CHCHD6: variants seen among roughly 807,000 people sequenced by gnomAD.
The protein encoded by CHCHD6 is coiled-coil-helix-coiled-coil-helix domain containing 6, also known as MICOS complex subunit MIC25.
CHCHD6 carries 28 observed loss-of-function variants against 32.3 expected under a neutral mutation model. The observed-to-expected ratio is 0.87, with a 90% CI of 0.64 to 1.19. The LOEUF (loss-of-function observed/expected upper bound fraction) is 1.19, where lower values mean the gene tolerates loss of function less well. Among genes scored for constraint, CHCHD6 ranks in the 50% most tolerant of loss-of-function variants. The pLI is 0.00. For synonymous variants in CHCHD6, 122 were observed against 117.5 expected (o/e 1.04, Z -0.25); for missense variants, 333 against 307.0 (o/e 1.08, Z -0.63).
chr3:126,946,507 C>G (rs1260383474), intron 6 of CHCHD6, among the ~76,000 whole-genome samples: 2 of 152,192 alleles, frequency 1.3e-5, no homozygotes, highest in Non-Finnish European at 2.9e-5. Flanking sequence ...CCCCCAGGCT[C>G]TCTCGCAAGC....
chr3:126,956,295 A>T (rs1278585358), intron 6 of CHCHD6, among the ~76,000 whole-genome samples: 2 of 152,208 alleles, frequency 1.3e-5, no homozygotes, highest in African/African-American at 4.8e-5. Context: ...AAGGCTGTTA[A>T]GTGTTACAGT....
intron 3 of CHCHD6, 137 bp downstream of exon 3, chr3:126,730,767 C>A (rs963683711): frequency 4.5e-6 from 3 of 659,400 alleles, no homozygotes; most frequent in Non-Finnish European, 5.2e-6. Flanking sequence ...TGAAGGACAA[C>A]CCTATGGTAT....
chr3:126,764,611 A>G (rs1937289612), intron 4 of CHCHD6, among the ~76,000 whole-genome samples: 1 of 152,186 alleles, frequency 6.6e-6, no homozygotes, highest in African/African-American at 2.4e-5. Context: ...GGAAGATCTA[A>G]GTGCAGCTCC....
At chr3:126,821,024 A>G (rs1940125156) in intron 4 of CHCHD6, among the ~76,000 whole-genome samples, 1 of 152,102 alleles carries the variant, frequency 6.6e-6, no homozygotes, top group East Asian at 1.9e-4. Flanking sequence ...TATTTTCTGT[A>G]TCTGTGGATT....
At chr3:126,833,625 C>T (rs1283682358) in intron 4 of CHCHD6, among the ~76,000 whole-genome samples, 6 of 152,100 alleles carry the variant, frequency 3.9e-5, no homozygotes, top group African/African-American at 1.2e-4. Context: ...GAGTTCAGGG[C>T]CCTTGTCTAG....
intron 4 of CHCHD6, among the ~76,000 whole-genome samples, chr3:126,817,750 TCCTG>T (rs1392595890): frequency 2.0e-5 from 3 of 152,226 alleles, no homozygotes; most frequent in African/African-American, 7.2e-5. Context: ...CTTCATGACT[TCCTG>T]CCTCAGCCTG....
chr3:126,732,997 TG>T lies in CHCHD6; in HGVS notation c.267-80del. ...TTCAGCATTTCCCTGGTGGCTGAAGTGAGTGCGCAGATCTTGTCTTGGCTAT... is the reference window on the plus strand; with the variant it reads ...TTCAGCATTTCCCTGGTGGCTGAAGTAGTGCGCAGATCTTGTCTTGGCTAT... On this transcript the variant is annotated intron_variant, in intron 3 of 7. Coordinates refer to ENST00000290913, the MANE Select transcript of CHCHD6 (RefSeq NM_032343.3). 2.0e-6 allele frequency: 3 copies of T among 1,486,624 alleles called. No individual in the cohort carries two copies. In the South Asian group the frequency reaches 3.6e-5, roughly 18 times the overall value. The allele number at this position is 1,486,624 out of a possible 1,614,324, so 92.1% of individuals were successfully genotyped here.
intron 6 of CHCHD6, among the ~76,000 whole-genome samples, chr3:126,944,672 G>A (rs1017465402): frequency 2.0e-5 from 3 of 152,200 alleles, no homozygotes; most frequent in South Asian, 2.1e-4. Flanking sequence ...GTCCACATAG[G>A]ACTACACAGA....
At chr3:126,750,898 G>T (rs1936694789) in intron 4 of CHCHD6, among the ~76,000 whole-genome samples, 1 of 152,230 alleles carries the variant, frequency 6.6e-6, no homozygotes, top group Non-Finnish European at 1.5e-5. Context: ...TCATGGCTAT[G>T]GGCCCTGCCT....
At chr3:126,778,843 C>T (rs1028271363) in intron 4 of CHCHD6, among the ~76,000 whole-genome samples, 1 of 152,072 alleles carries the variant, frequency 6.6e-6, no homozygotes, top group African/African-American at 2.4e-5. Context: ...CAGCCTTGAA[C>T]TCCTGGGCTC....
At position 126,953,075 on chromosome 3, in the gene CHCHD6, C is replaced by T. The variant is rs979447401; in HGVS notation, c.567-4341C>T. ...TCTGACCGGGCCGTCTTGGGCATCA[C>T]CTGCCATTCTCCTGCCATCCTCTCA... On this transcript the variant is annotated intron_variant, in intron 6 of 7. Coordinates refer to ENST00000290913, the MANE Select transcript of CHCHD6 (RefSeq NM_032343.3). 5.1e-6 allele frequency: 5 copies of T among 985,446 alleles called. No homozygotes were observed. In the African/African-American group the frequency reaches 5.2e-5, roughly 10 times the overall value. The allele number at this position is 985,446 out of a possible 1,614,324, so 61.0% of individuals were successfully genotyped here. A position where few individuals can be genotyped will look rare whatever the true frequency, so the allele number is the denominator to read the frequency against.
chr3:126,934,770 C>T (rs1044121411), intron 6 of CHCHD6, among the ~76,000 whole-genome samples: 3 of 151,916 alleles, frequency 2.0e-5, no homozygotes, highest in Non-Finnish European at 4.4e-5. Context: ...AGGATGGTCT[C>T]GATCTCCTGA....
intron 5 of CHCHD6, among the ~76,000 whole-genome samples, chr3:126,894,866 A>T (rs940472767): frequency 6.6e-6 from 1 of 152,220 alleles, no homozygotes; most frequent in African/African-American, 2.4e-5. Flanking sequence ...GGTGCTTTCC[A>T]TTTACCACTT....
At position 126,720,123 on chromosome 3, in the gene CHCHD6, C is replaced by A. The variant is rs1277808886; in HGVS notation, c.88-6955C>A. 2.0e-5 allele frequency among the ~76,000 whole-genome samples: 3 copies of A among 152,290 alleles called. No individual in the cohort carries two copies. In the South Asian group the frequency reaches 6.2e-4, roughly 32 times the overall value. ...TCTTGAACTCCTGACCTCAGGTGAT[C>A]CACCTGCCTCGGCCTCCCAAAGAGC... is the stretch of plus-strand genomic sequence containing the variant. On this transcript the variant is annotated intron_variant, in intron 1 of 7. Coordinates refer to ENST00000290913, the MANE Select transcript of CHCHD6 (RefSeq NM_032343.3).
At chr3:126,729,661 G>A (rs1286869254) in intron 2 of CHCHD6, among the ~76,000 whole-genome samples, 2 of 152,146 alleles carry the variant, frequency 1.3e-5, no homozygotes, top group Non-Finnish European at 2.9e-5. Context: ...ATGAGAGGTG[G>A]TTTGAAAGTG....
intron 4 of CHCHD6, among the ~76,000 whole-genome samples, chr3:126,768,251 G>A (rs1937455305): frequency 6.6e-6 from 1 of 152,140 alleles, no homozygotes. Flanking sequence ...ATTTAAAAGT[G>A]TGTAGCACCT....
intron 4 of CHCHD6, among the ~76,000 whole-genome samples, chr3:126,778,687 C>T (rs772978960): frequency 2.6e-5 from 4 of 152,120 alleles, no homozygotes; most frequent in Non-Finnish European, 5.9e-5. Flanking sequence ...TAATGATTTA[C>T]AAAAATTTTC....
At chr3:126,790,644 T>C (rs1364359133) in intron 4 of CHCHD6, among the ~76,000 whole-genome samples, 3 of 152,230 alleles carry the variant, frequency 2.0e-5, no homozygotes, top group African/African-American at 4.8e-5. Flanking sequence ...ATTCGTCATG[T>C]AGTTCTTGTG....
chr3:126,921,061 A>G (rs566104298), intron 6 of CHCHD6, among the ~76,000 whole-genome samples: 1 of 145,448 alleles, frequency 6.9e-6, no homozygotes, highest in South Asian at 2.3e-4. Context: ...AGGAATGACT[A>G]GAGTTTGCCA....
Sources: gnomAD v4.1 joint callset for allele counts (sites outside exome capture counted in the v4.1 genomes callset) on GRCh38, gnomAD v4.1.1 for gene constraint, MANE v1.5 for transcripts, NCBI Gene and HGNC (gene_info 2026-07-23, HGNC 2026-07-21) for gene names.